Variants in CDYL2 observed in about 807,000 individuals in gnomAD.
The protein encoded by CDYL2 is chromodomain Y like 2.
In CDYL2, 23 loss-of-function variants were observed where a neutral mutation model predicts 49.4. That is an observed-to-expected ratio of 0.47 (90% CI 0.34 to 0.66). CDYL2 has a LOEUF of 0.66. Among genes scored for constraint, CDYL2 ranks in the 30% least tolerant of loss-of-function variants. CDYL2 has a pLI of 0.01. For missense variants in CDYL2, 678 were observed against 656.4 expected (o/e 1.03, Z -0.36); for synonymous variants, 360 against 268.8 (o/e 1.34, Z -3.32).
Position 80,608,142 on chromosome 16 carries a change from T to A in CDYL2, c.1312A>T (p.Ser438Cys). ...TTGACCCGCAGCATGACCTCCTGGC[T>A]GAACGTGGTGGGCCAGAAGACCTGC... is the stretch of plus-strand genomic sequence containing the variant. ...VSQVFWPTTF[S>C]QEVMLRVKEM... The change falls in exon 6 of 7, where the codon AGC becomes TGC. Residue 438 changes from serine to cysteine, a missense_variant. Transcript: ENST00000570137. 9 of 1,605,886 alleles carry A rather than the reference T, an allele frequency of 5.6e-6. No homozygotes were observed. The highest frequency in any genetic ancestry group is 1.3e-5 in the African/African-American group (1 of 74,928).
intron 3 of CDYL2, among the ~76,000 whole-genome samples, chr16:80,629,541 G>C (rs1391540567): frequency 6.6e-6 from 1 of 152,182 alleles, no homozygotes; most frequent in Non-Finnish European, 1.5e-5. Context: ...TCTCCCAATG[G>C]GGAAGTGGAT....
intron 1 of CDYL2, among the ~76,000 whole-genome samples, chr16:80,709,344 T>C (rs1008164619): frequency 7.5e-5 from 11 of 146,678 alleles, no homozygotes; most frequent in South Asian, 2.1e-4. Context: ...ATCGTGCCAT[T>C]GCACTCCAGC....
rs144219171 is a variant in CDYL2 at position 80,684,673 on chromosome 16, C to T, written c.481G>A (p.Ala161Thr). ...KSQNGMENGDAGSEKDERHFG... is the reference protein window; with the variant it reads ...KSQNGMENGDTGSEKDERHFG... ...TGCCTCTCATCCTTCTCAGAGCCGG[C>T]GTCCCCATTTTCCATCCCGTTCTGA... The change falls in exon 2 of 7, where the codon GCC (alanine) becomes ACC (threonine). Residue 161 changes from alanine to threonine, a missense_variant. Physicochemically the swap from Ala to Thr is moderately conservative, Grantham distance 58 (BLOSUM62 0). Transcript: ENST00000570137. 19 of 1,614,068 alleles carry T rather than the reference C, an allele frequency of 1.2e-5. 1 individual carries two copies. Among genetic ancestry groups the T allele is most frequent in the South Asian group, 2.2e-5 (2 of 91,082 alleles).
chr16:80,758,637 G>C (rs949334263), intron 1 of CDYL2, among the ~76,000 whole-genome samples: 2 of 147,596 alleles, frequency 1.4e-5, no homozygotes, highest in Middle Eastern at 3.6e-3. Flanking sequence ...CTGCCTCCCT[G>C]GTTCACGCCA....
intron 4 of CDYL2, among the ~76,000 whole-genome samples, chr16:80,618,185 G>A (rs1344534268): frequency 6.6e-6 from 1 of 152,236 alleles, no homozygotes; most frequent in Non-Finnish European, 1.5e-5. Flanking sequence ...GAGCTCACTT[G>A]CCCGCTGAGA....
At chr16:80,691,397 C>T (rs1407805751) in intron 1 of CDYL2, among the ~76,000 whole-genome samples, 1 of 152,148 alleles carries the variant, frequency 6.6e-6, no homozygotes. Context: ...AGGTTTTTCC[C>T]GTCCAGTGCA....
intron 2 of CDYL2, among the ~76,000 whole-genome samples, chr16:80,673,807 G>A (rs1037489070): frequency 3.3e-5 from 5 of 152,158 alleles, no homozygotes; most frequent in African/African-American, 9.7e-5. Flanking sequence ...ATTTGGAGAT[G>A]GGAGATTATC....
intron 1 of CDYL2, among the ~76,000 whole-genome samples, chr16:80,786,358 A>T (rs1567606467): frequency 6.6e-6 from 1 of 152,262 alleles, no homozygotes; most frequent in African/African-American, 2.4e-5. Flanking sequence ...CAGACATATG[A>T]AAAAATGCTC....
intron 2 of CDYL2, among the ~76,000 whole-genome samples, chr16:80,635,206 T>C (rs1907762914): frequency 6.6e-6 from 1 of 152,270 alleles, no homozygotes; most frequent in South Asian, 2.1e-4. Context: ...AGAAAAACCA[T>C]ATGATCATAT....
chr16:80,620,613 G>T, intron 4 of CDYL2, 150 bp downstream of exon 4: 1 of 593,364 alleles, frequency 1.7e-6, no homozygotes. Flanking sequence ...TTTTAAAAAT[G>T]TAAGCAGACC....
chr16:80,683,689 G>C (rs1446039680), intron 2 of CDYL2, among the ~76,000 whole-genome samples: 1 of 152,092 alleles, frequency 6.6e-6, no homozygotes, highest in African/African-American at 2.4e-5. Flanking sequence ...TAAGAGGAGG[G>C]GCCTTTAGGA....
chr16:80,751,282 C>T (rs920276792), intron 1 of CDYL2, among the ~76,000 whole-genome samples: 11 of 152,316 alleles, frequency 7.2e-5, no homozygotes, highest in African/African-American at 2.6e-4. Context: ...TGTTCTAAGA[C>T]ATTCAAGAGC....
chr16:80,764,284 A>G (rs1192371171), intron 1 of CDYL2, among the ~76,000 whole-genome samples: 3 of 152,196 alleles, frequency 2.0e-5, no homozygotes, highest in Non-Finnish European at 4.4e-5. Flanking sequence ...GAACTGTTTT[A>G]AAAAGAAATA....
chr16:80,757,793 A>G (rs1448550096), intron 1 of CDYL2, among the ~76,000 whole-genome samples: 3 of 152,022 alleles, frequency 2.0e-5, no homozygotes, highest in Admixed American at 2.0e-4. Context: ...TTATTGGAGG[A>G]CCTAATTAGA....
At chr16:80,622,523 T>G (rs766271342) in intron 3 of CDYL2, among the ~76,000 whole-genome samples, 5 of 152,296 alleles carry the variant, frequency 3.3e-5, no homozygotes, top group African/African-American at 1.2e-4. Context: ...CTTGCTCAAC[T>G]GTTATTTTAA....
At chr16:80,636,675 A>G (rs774318964) in intron 2 of CDYL2, among the ~76,000 whole-genome samples, 11 of 152,194 alleles carry the variant, frequency 7.2e-5, no homozygotes, top group Non-Finnish European at 1.5e-4. Flanking sequence ...AACTAGAAAT[A>G]CCATTTAACC....
intron 1 of CDYL2, among the ~76,000 whole-genome samples, chr16:80,795,094 C>T (rs1907730440): frequency 6.6e-6 from 1 of 152,020 alleles, no homozygotes; most frequent in African/African-American, 2.4e-5. Context: ...CCCCTTAGGA[C>T]ATAATTTTAA....
intron 2 of CDYL2, among the ~76,000 whole-genome samples, chr16:80,667,091 C>A (rs1458654365): frequency 2.0e-5 from 3 of 152,154 alleles, no homozygotes; most frequent in Non-Finnish European, 4.4e-5. Flanking sequence ...TGGCAGTCAG[C>A]AAAGGTTTCC....
rs2142352585 is a variant in CDYL2 at position 80,603,208 on chromosome 16, A to G, written c.*1180T>C. 6.6e-6 allele frequency: 1 copy of G among 152,384 alleles called. No homozygotes were observed. The highest frequency in any genetic ancestry group is 6.5e-5 in the Admixed American group (1 of 15,306). The allele number at this position is 152,384 out of a possible 1,614,324, so 9.4% of individuals were successfully genotyped here. On this transcript the variant is annotated 3_prime_UTR_variant, in exon 7 of 7. Transcript: ENST00000570137. ...ATACCAGAAATCACTGATCACATGG[A>G]AGCAACAGACTGCAGGATCCAAGTT...
Sources: allele counts gnomAD v4.1 joint callset (sites outside exome capture counted in the v4.1 genomes callset), GRCh38; gene constraint gnomAD v4.1.1; transcripts MANE v1.5; gene names NCBI Gene and HGNC (gene_info 2026-07-23, HGNC 2026-07-21).